ARPC5L: variants seen among roughly 807,000 people sequenced by gnomAD.
ARPC5L encodes the protein actin related protein 2/3 complex subunit 5 like, also known as actin-related protein 2/3 complex subunit 5-like protein.
A neutral mutation model predicts 16.9 loss-of-function variants in ARPC5L; 4 were observed. The observed-to-expected ratio is 0.24, with a 90% confidence interval of 0.12 to 0.54. The LOEUF (loss-of-function observed/expected upper bound fraction) is 0.54, where lower values mean the gene tolerates loss of function less well. ARPC5L is among the 20% of genes least tolerant of loss of function. The pLI is 0.95. For synonymous variants in ARPC5L, 78 were observed against 82.6 expected (o/e 0.94, Z 0.30); for missense variants, 151 against 201.9 (o/e 0.75, Z 1.53).
At chr9:124,865,444 AC>A (rs1274094006) in intron 2 of ARPC5L, among the ~76,000 whole-genome samples, 1 of 151,648 alleles carries the variant, frequency 6.6e-6, no homozygotes, top group Admixed American at 6.6e-5. Flanking sequence ...ACTCTCTCTT[AC>A]ACGCCACATC....
At chr9:124,875,484 G>A (rs1487983773) in intron 5 of ARPC5L, among the ~76,000 whole-genome samples, 1 of 152,218 alleles carries the variant, frequency 6.6e-6, no homozygotes, top group Non-Finnish European at 1.5e-5. Flanking sequence ...CCTGCTGGTT[G>A]GTTGGGGCTT....
Position 124,877,047 on chromosome 9 carries a change from T to C in ARPC5L, c.*107T>C. The C allele has an allele frequency of 2.2e-5, 18 of 811,170 alleles. No homozygotes were observed. The South Asian group carries it at 3.1e-4, about 14-fold the overall frequency. 50.2% of individuals were successfully genotyped at this position (811,170 alleles called of 1,614,324 possible). The stretch of plus-strand genomic sequence containing the variant: ...TTCCTAGGAACTCCCAAGTAAACTA[T>C]TTCAGGACATGTATCTGCTGAAATG... On this transcript the variant is annotated 3_prime_UTR_variant, in exon 6 of 6. Coordinates refer to ENST00000353214, the MANE Select transcript of ARPC5L (RefSeq NM_030978.3).
chr9:124,873,555 C>G (rs1455525984), intron 3 of ARPC5L, 137 bp from the exon 4 acceptor site: 1 of 947,920 alleles, frequency 1.1e-6, no homozygotes, highest in East Asian at 2.4e-5. Context: ...CGTCTCTGCC[C>G]CCCTGGAAGC....
rs200303749 is a variant in ARPC5L at position 124,877,694 on chromosome 9, TTTAA to T, written c.*761_*764del. 1 of 151,548 alleles carries T rather than the reference TTTAA, an allele frequency of 6.6e-6. No homozygotes were observed. Among genetic ancestry groups the T allele is most frequent in the South Asian group, 2.1e-4 (1 of 4,788 alleles). 9.4% of individuals were successfully genotyped at this position (151,548 alleles called of 1,614,324 possible). On this transcript the variant is annotated 3_prime_UTR_variant, in exon 6 of 6. Coordinates refer to ENST00000353214, the MANE Select transcript of ARPC5L (RefSeq NM_030978.3). ...TGTATGTAATTAATTTTGGAGCTTA[TTTAA>T]TTAATTTAATAAAGTGCCAAACATT... is the stretch of plus-strand genomic sequence containing the variant.
chr9:124,865,756 T>G, intron 2 of ARPC5L, among the ~76,000 whole-genome samples: 1 of 146,748 alleles, frequency 6.8e-6, no homozygotes, highest in Non-Finnish European at 1.5e-5. Flanking sequence ...TTGCGCCACT[T>G]CACTCAAGCC....
chr9:124,866,104 TAAAAAAAC>T (rs906897161), intron 2 of ARPC5L, among the ~76,000 whole-genome samples: 2 of 137,746 alleles, frequency 1.5e-5, no homozygotes, highest in Non-Finnish European at 3.1e-5. Flanking sequence ...GACTCCCTCT[TAAAAAAAC>T]AAAAAAACAG....
chr9:124,870,982 T>C (rs537150673), intron 3 of ARPC5L, among the ~76,000 whole-genome samples: 66 of 152,312 alleles, frequency 4.3e-4, no homozygotes, highest in East Asian at 1.4e-3. Context: ...TGGAGAGTGC[T>C]CCACTTGGGG....
chr9:124,876,359 C>T (rs1346848753), intron 5 of ARPC5L, among the ~76,000 whole-genome samples: 8 of 152,134 alleles, frequency 5.3e-5, no homozygotes, highest in Non-Finnish European at 8.8e-5. Flanking sequence ...TGGTGGCGGG[C>T]GCCTGTAATC....
intron 4 of ARPC5L, 136 bp downstream of exon 4, chr9:124,873,900 C>G (rs958805789): frequency 1.0e-6 from 1 of 958,128 alleles, no homozygotes; most frequent in African/African-American, 1.6e-5. Context: ...GGGAAGCCTC[C>G]TGGCGCTCCC....
chr9:124,873,607 G>A, intron 3 of ARPC5L, 85 bp from the exon 4 acceptor site: 2 of 1,487,780 alleles, frequency 1.3e-6, no homozygotes, highest in Non-Finnish European at 1.9e-6. Context: ...ATCTGACTCT[G>A]TTCCTGAGCT....
chr9:124,870,022 C>T (rs766778661), intron 3 of ARPC5L, among the ~76,000 whole-genome samples: 4 of 152,194 alleles, frequency 2.6e-5, no homozygotes, highest in Non-Finnish European at 5.9e-5. Flanking sequence ...TGTCTCTCTT[C>T]CCCCAGTCAG....
At chr9:124,869,735 T>TC (rs1481593385) in intron 3 of ARPC5L, among the ~76,000 whole-genome samples, 1 of 151,480 alleles carries the variant, frequency 6.6e-6, no homozygotes, top group Non-Finnish European at 1.5e-5. Context: ...CCCTCTTCCC[T>TC]CCTTGCCTCC....
chr9:124,870,095 GT>G (rs1829334460), intron 3 of ARPC5L, among the ~76,000 whole-genome samples: 2 of 152,184 alleles, frequency 1.3e-5, no homozygotes. Flanking sequence ...CACCTTGGTG[GT>G]CTCAGCCACG....
chr9:124,865,728 G>A (rs1337135749), intron 2 of ARPC5L, among the ~76,000 whole-genome samples: 1 of 152,088 alleles, frequency 6.6e-6, no homozygotes, highest in African/African-American at 2.4e-5. Flanking sequence ...AGGGGGCAGA[G>A]GTTGCAGTGA....
intron 3 of ARPC5L, chr9:124,873,474 A>T (rs547292154): frequency 1.9e-5 from 11 of 592,020 alleles, no homozygotes; most frequent in Admixed American, 2.9e-5. Context: ...TGGAAGGTAG[A>T]GAGGGAGTTG....
At chr9:124,865,877 C>CG (rs1372845861) in intron 2 of ARPC5L, among the ~76,000 whole-genome samples, 3 of 151,364 alleles carry the variant, frequency 2.0e-5, no homozygotes, top group African/African-American at 7.3e-5. Context: ...GAGGCCAAGG[C>CG]GGGCAGATCA....
intron 3 of ARPC5L, chr9:124,873,060 T>C (rs1829382519): frequency 6.6e-6 from 1 of 152,286 alleles, no homozygotes; most frequent in African/African-American, 2.4e-5. Flanking sequence ...GCATGCTGGG[T>C]ATTCAGAACT....
Position 124,875,205 on chromosome 9 carries a change from C to T in ARPC5L, c.399+54C>T, listed in dbSNP as rs368350119. 15 of 1,576,566 alleles carry T rather than the reference C, an allele frequency of 9.5e-6. No homozygotes were observed. In the African/African-American group the frequency reaches 1.3e-4, roughly 14 times the overall value. On this transcript the variant is annotated intron_variant, in intron 5 of 5. Coordinates refer to ENST00000353214, the MANE Select transcript of ARPC5L (RefSeq NM_030978.3). ...GAGCCACCTGGCTTGCCTTGGGGTT[C>T]GATCAGCAGGCCAGATTTTCCAGAA...
intron 2 of ARPC5L, among the ~76,000 whole-genome samples, chr9:124,868,004 T>C (rs1176389813): frequency 2.0e-5 from 3 of 152,110 alleles, no homozygotes; most frequent in African/African-American, 7.2e-5. Flanking sequence ...ACACGGGGTT[T>C]CAGCATTTTG....
Sources: allele counts gnomAD v4.1 joint callset (sites outside exome capture counted in the v4.1 genomes callset), GRCh38; gene constraint gnomAD v4.1.1; transcripts MANE v1.5; gene names NCBI Gene and HGNC (gene_info 2026-07-23, HGNC 2026-07-21).